The following GUCY1A2 variants were observed in gnomAD, a reference collection of about 807,000 sequenced individuals.
GUCY1A2 encodes the protein guanylate cyclase soluble subunit alpha-2.
In GUCY1A2, 27 loss-of-function variants were observed where a neutral mutation model predicts 63.5. That is an observed-to-expected ratio of 0.43 (90% CI 0.31 to 0.59). GUCY1A2 has a LOEUF of 0.59. GUCY1A2 is among the 20% of genes least tolerant of loss of function. GUCY1A2 has a pLI of 0.11. For missense variants in GUCY1A2, 768 were observed against 913.3 expected (o/e 0.84, Z 2.05); for synonymous variants, 364 against 343.5 (o/e 1.06, Z -0.66).
At chr11:107,014,771 A>G (rs1327006151) in intron 1 of GUCY1A2, among the ~76,000 whole-genome samples, 1 of 152,184 alleles carries the variant, frequency 6.6e-6, no homozygotes, top group Non-Finnish European at 1.5e-5. Context: ...CAACTGACAA[A>G]ACAGGAGCTT....
At chr11:106,744,341 G>A (rs978665120) in intron 6 of GUCY1A2, among the ~76,000 whole-genome samples, 2 of 151,050 alleles carry the variant, frequency 1.3e-5, no homozygotes, top group Admixed American at 6.6e-5. Flanking sequence ...CCACCTCCTG[G>A]GTTCATGCCA....
intron 4 of GUCY1A2, among the ~76,000 whole-genome samples, chr11:106,876,721 C>T (rs1458292488): frequency 6.6e-6 from 1 of 152,058 alleles, no homozygotes; most frequent in Non-Finnish European, 1.5e-5. Context: ...ATCCTGTTTG[C>T]CACACTTCTT....
chr11:106,739,809 T>C (rs141526120), intron 6 of GUCY1A2, among the ~76,000 whole-genome samples: 54 of 152,264 alleles, frequency 3.5e-4, no homozygotes, highest in African/African-American at 1.3e-3. Context: ...GACATACTAT[T>C]GGGAAGTGTT....
intron 1 of GUCY1A2, among the ~76,000 whole-genome samples, chr11:107,013,223 C>T (rs1433091277): frequency 1.3e-5 from 2 of 152,088 alleles, no homozygotes; most frequent in Non-Finnish European, 2.9e-5. Context: ...ACATTCTGCT[C>T]TCTAAAGCTT....
At chr11:106,964,205 A>C (rs1196977291) in intron 3 of GUCY1A2, among the ~76,000 whole-genome samples, 1 of 152,202 alleles carries the variant, frequency 6.6e-6, no homozygotes, top group Non-Finnish European at 1.5e-5. Flanking sequence ...TCATTGTCCC[A>C]ATGATATACC....
At chr11:106,937,540 T>C (rs563482971) in intron 4 of GUCY1A2, among the ~76,000 whole-genome samples, 2 of 152,318 alleles carry the variant, frequency 1.3e-5, no homozygotes, top group East Asian at 3.9e-4. Flanking sequence ...CCAAAAATGC[T>C]TCAAATTCTC....
intron 4 of GUCY1A2, chr11:106,826,368 A>G (rs1858971161): frequency 2.0e-6 from 3 of 1,510,496 alleles, no homozygotes; most frequent in Non-Finnish European, 1.8e-6. Context: ...GGAACTTTAT[A>G]TGATTCTTGA....
chr11:106,922,999 A>G (rs1010728919), intron 4 of GUCY1A2, among the ~76,000 whole-genome samples: 3 of 152,042 alleles, frequency 2.0e-5, no homozygotes, highest in South Asian at 2.1e-4. Flanking sequence ...AGGAAATATA[A>G]TAACATTGAA....
rs777246833 is a variant in GUCY1A2 at position 106,728,316 on chromosome 11, CCA to C, written c.1837-19652_1837-19651del. ...CCTCCTTTCTCTCACCCTTTACTAG[CCA>C]CAGTTTATCATCCCATCCTCTCTGC... On this transcript the variant is annotated intron_variant, in intron 6 of 7. Coordinates refer to ENST00000526355, the MANE Select transcript of GUCY1A2 (RefSeq NM_000855.3). Among the ~76,000 whole-genome samples the C allele has an allele frequency of 1.3e-3, 195 of 152,054 alleles. 1 individual carries two copies. Among genetic ancestry groups the C allele is most frequent in the Non-Finnish European group, 1.8e-3 (120 of 68,020 alleles).
chr11:106,680,884 T>C lies in GUCY1A2; in HGVS notation c.*6665A>G, dbSNP rs922868531. On this transcript the variant is annotated 3_prime_UTR_variant, in exon 8 of 8. Transcript: ENST00000526355. Reference sequence around the variant, plus strand: ...GGAGCTGTCATCTTATTTAGATGCTTAGGAATGAATCCTAAGCTTATATGC... The same window carrying C: ...GGAGCTGTCATCTTATTTAGATGCTCAGGAATGAATCCTAAGCTTATATGC... 5 of 204,472 alleles carry C rather than the reference T, an allele frequency of 2.4e-5. No homozygotes were observed. Among genetic ancestry groups the C allele is most frequent in the African/African-American group, 4.6e-5 (2 of 43,666 alleles). The allele number at this position is 204,472 out of a possible 1,614,324, so 12.7% of individuals were successfully genotyped here.
chr11:106,958,603 G>T (rs1255556721), intron 3 of GUCY1A2, among the ~76,000 whole-genome samples: 3 of 92,282 alleles, frequency 3.3e-5, no homozygotes, highest in Non-Finnish European at 6.7e-5. Flanking sequence ...TTAAAGAACT[G>T]TTTAATATAA....
intron 4 of GUCY1A2, among the ~76,000 whole-genome samples, chr11:106,849,565 C>T (rs1020215022): frequency 1.3e-5 from 2 of 151,386 alleles, no homozygotes; most frequent in African/African-American, 2.4e-5. Context: ...TAGAAAAATA[C>T]GAGCTACAAA....
In GUCY1A2 at chr11:106,764,970, T is replaced by TTGG. The variant is rs148342255; in HGVS notation, c.1836+11468_1836+11469insCCA. ...ACGAAACTTACTTTGCAGATTTTTT[T>TTGG]GGGGGGGGGTTGGGGGGCAGGAATA... On this transcript the variant is annotated intron_variant, in intron 6 of 7. Coordinates refer to ENST00000526355, the MANE Select transcript of GUCY1A2 (RefSeq NM_000855.3). Among the ~76,000 whole-genome samples the TTGG allele has an allele frequency of 7.3e-3, 672 of 92,410 alleles. 3 individuals are homozygous for TTGG. The highest frequency in any genetic ancestry group is 0.023 in the African/African-American group (573 of 25,286). The allele number at this position is 92,410 out of a possible 152,430, so 60.6% of individuals were successfully genotyped here.
At chr11:106,736,856 A>G (rs1284786946) in intron 6 of GUCY1A2, among the ~76,000 whole-genome samples, 1 of 152,152 alleles carries the variant, frequency 6.6e-6, no homozygotes, top group Non-Finnish European at 1.5e-5. Flanking sequence ...TTTTATCTCC[A>G]AACGTGACAC....
chr11:106,827,903 C>G (rs1379247923), intron 4 of GUCY1A2: 2 of 1,486,134 alleles, frequency 1.3e-6, no homozygotes, highest in Non-Finnish European at 1.9e-6. Context: ...TGCCGGACTC[C>G]CAGTGGTTTA....
At chr11:106,695,694 A>C (rs1334678912) in intron 7 of GUCY1A2, among the ~76,000 whole-genome samples, 1 of 152,200 alleles carries the variant, frequency 6.6e-6, no homozygotes, top group East Asian at 1.9e-4. Flanking sequence ...TCGGCTAGAC[A>C]GCCTGAAATC....
intron 2 of GUCY1A2, among the ~76,000 whole-genome samples, chr11:106,983,632 T>C (rs1861365645): frequency 6.6e-6 from 1 of 152,228 alleles, no homozygotes. Flanking sequence ...GAAGGATAAT[T>C]AAGAAATTAA....
At chr11:106,916,648 A>G (rs973603338) in intron 4 of GUCY1A2, among the ~76,000 whole-genome samples, 3 of 145,546 alleles carry the variant, frequency 2.1e-5, no homozygotes, top group Non-Finnish European at 4.6e-5. Context: ...TAAAGGTAGT[A>G]TACCAAAATT....
In GUCY1A2 at chr11:106,814,954, C is replaced by T. The variant is rs553371891; in HGVS notation, c.1207-4476G>A. Reference sequence around the variant, plus strand: ...TGAATGAGAAAAGACAATCGATTGACGCCAACACTAAAATGAATCAGATGT... The same window carrying T: ...TGAATGAGAAAAGACAATCGATTGATGCCAACACTAAAATGAATCAGATGT... On this transcript the variant is annotated intron_variant, in intron 4 of 7. Transcript: ENST00000526355. Among the ~76,000 whole-genome samples the T allele has an allele frequency of 1.5e-3, 232 of 151,972 alleles. 1 individual carries two copies. Among genetic ancestry groups the T allele is most frequent in the Non-Finnish European group, 1.9e-3 (130 of 67,954 alleles).
Sources: allele counts gnomAD v4.1 joint callset (sites outside exome capture counted in the v4.1 genomes callset), GRCh38; gene constraint gnomAD v4.1.1; transcripts MANE v1.5; gene names NCBI Gene and HGNC (gene_info 2026-07-23, HGNC 2026-07-21).